PRR16: variants seen among roughly 807,000 people sequenced by gnomAD.
PRR16 encodes the protein proline rich 16, also known as protein Largen.
Under a neutral mutation model 18.2 loss-of-function variants are expected in PRR16, and 6 were observed. That is an observed-to-expected ratio of 0.33 (90% CI 0.18 to 0.65). PRR16 has a LOEUF of 0.65. Ranked by LOEUF, PRR16 falls within the 30% of genes least tolerant of loss-of-function variation. The pLI is 0.74. For missense variants in PRR16, 412 were observed against 376.6 expected (o/e 1.09, Z -0.78); for synonymous variants, 151 against 147.8 (o/e 1.02, Z -0.16).
At chr5:120,784,185 CTT>C in the PRR16 span, among the ~76,000 whole-genome samples, 7 of 152,236 alleles carry the variant, frequency 4.6e-5, no homozygotes, top group African/African-American at 7.2e-5. Context: ...GCAGATATCT[CTT>C]AATATACTGA....
chr5:120,550,332 A>T lies in PRR16; in HGVS notation c.159+85687A>T, dbSNP rs577381690. On this transcript the variant is annotated intron_variant, in intron 1 of 1. Coordinates refer to ENST00000407149, the MANE Select transcript of PRR16 (RefSeq NM_001300783.2). ...AGTAGAATAGAAATTACTTGACTGTAACAAATATGGAAAAGCCCAAAGAAG... is the reference window on the plus strand; with the variant it reads ...AGTAGAATAGAAATTACTTGACTGTTACAAATATGGAAAAGCCCAAAGAAG... Among the ~76,000 whole-genome samples the T allele has an allele frequency of 1.5e-3, 222 of 152,164 alleles. 2 individuals carry two copies. The highest frequency in any genetic ancestry group is 2.3e-3 in the Non-Finnish European group (154 of 67,972).
chr5:120,588,370 G>A (rs528114835), intron 1 of PRR16, among the ~76,000 whole-genome samples: 1 of 152,094 alleles, frequency 6.6e-6, no homozygotes, highest in East Asian at 1.9e-4. Context: ...TTTTGTGAAA[G>A]CAAGAGTCCA....
the PRR16 span, among the ~76,000 whole-genome samples, chr5:120,730,795 C>A: frequency 7.2e-5 from 11 of 152,112 alleles, no homozygotes; most frequent in African/African-American, 2.4e-4. Flanking sequence ...ATGCTTCATG[C>A]ATATGGAAAA....
intron 1 of PRR16, among the ~76,000 whole-genome samples, chr5:120,591,055 A>C (rs1265479603): frequency 6.6e-6 from 1 of 151,948 alleles, no homozygotes; most frequent in Non-Finnish European, 1.5e-5. Context: ...CGAGGTGGGC[A>C]GATCACAAGG....
chr5:120,563,874 A>C (rs1752652826), intron 1 of PRR16, among the ~76,000 whole-genome samples: 1 of 152,214 alleles, frequency 6.6e-6, no homozygotes, highest in Non-Finnish European at 1.5e-5. Context: ...TCAACCCTGA[A>C]GTTGGCATAT....
At chr5:120,780,803 C>T in the PRR16 span, among the ~76,000 whole-genome samples, 3 of 152,118 alleles carry the variant, frequency 2.0e-5, no homozygotes, top group Non-Finnish European at 4.4e-5. Context: ...GTAATCCCGG[C>T]GCTCTGGGAG....
chr5:120,619,444 G>A (rs1018364556), intron 1 of PRR16, among the ~76,000 whole-genome samples: 3 of 152,068 alleles, frequency 2.0e-5, no homozygotes, highest in Non-Finnish European at 4.4e-5. Flanking sequence ...AGAAGTATTT[G>A]TTGCATTGGC....
chr5:120,686,124 G>A lies in PRR16; in HGVS notation c.330G>A (p.Pro110=), dbSNP rs1158194. 1,608,616 of 1,614,080 alleles carry A rather than the reference G, an allele frequency of 1. 801,735 individuals are homozygous for A. The highest frequency in any genetic ancestry group is 1 in the East Asian group (44,840 of 44,840). The change falls in exon 2 of 2, where the codon CCG becomes CCA. Residue 110 remains proline (P), a synonymous_variant. Coordinates refer to ENST00000407149, the MANE Select transcript of PRR16 (RefSeq NM_001300783.2). The stretch of plus-strand genomic sequence containing the variant: ...CGCTTATTAAACCCCCAGCACACCC[G>A]TCTGCTATCCTCACGGTCCTGAGAA... ...NAPLIKPPAH[P]SAILTVLRKP... is the part of the protein sequence containing the mutation.
chr5:120,758,149 A>C, the PRR16 span, among the ~76,000 whole-genome samples: 1 of 152,146 alleles, frequency 6.6e-6, no homozygotes, highest in African/African-American at 2.4e-5. Flanking sequence ...TAGGTCAGTA[A>C]CTTATTTGGA....
chr5:120,489,161 A>G (rs1163299600), intron 1 of PRR16, among the ~76,000 whole-genome samples: 4 of 152,300 alleles, frequency 2.6e-5, no homozygotes, highest in East Asian at 1.9e-4. Flanking sequence ...GTAGATGTCT[A>G]TTAGGTCCAC....
intron 1 of PRR16, among the ~76,000 whole-genome samples, chr5:120,529,615 G>A (rs997263807): frequency 2.6e-5 from 4 of 152,086 alleles, no homozygotes; most frequent in Non-Finnish European, 4.4e-5. Flanking sequence ...AGCTTTCATG[G>A]CTTGAGAAGT....
rs183477482 is a variant in PRR16 at position 120,477,610 on chromosome 5, C to T, written c.159+12965C>T. On this transcript the variant is annotated intron_variant, in intron 1 of 1. Coordinates refer to ENST00000407149, the MANE Select transcript of PRR16 (RefSeq NM_001300783.2). ...CTTTGCTCTCTTAAACCTTTCTCAG[C>T]ATTATCAGTAAGTGTGAAGTTAGAC... 2.0e-5 allele frequency among the ~76,000 whole-genome samples: 3 copies of T among 152,282 alleles called. No homozygotes were observed. The East Asian group carries it at 5.8e-4, about 29-fold the overall frequency.
intron 1 of PRR16, among the ~76,000 whole-genome samples, chr5:120,597,936 G>T (rs961242392): frequency 1.3e-5 from 2 of 151,848 alleles, no homozygotes; most frequent in South Asian, 4.1e-4. Flanking sequence ...TGGGGTGAAT[G>T]GCTGTTGCTA....
the PRR16 span, among the ~76,000 whole-genome samples, chr5:120,772,407 C>T: frequency 6.6e-6 from 1 of 151,856 alleles, no homozygotes; most frequent in African/African-American, 2.4e-5. Flanking sequence ...TACAATAGTA[C>T]CTGACATATA....
At chr5:120,677,128 G>A (rs953982065) in intron 1 of PRR16, among the ~76,000 whole-genome samples, 31 of 152,168 alleles carry the variant, frequency 2.0e-4, no homozygotes, top group African/African-American at 7.0e-4. Flanking sequence ...AGCAGAACAC[G>A]AAGTTGTAGG....
the PRR16 span, among the ~76,000 whole-genome samples, chr5:120,713,814 G>A: frequency 2.6e-5 from 4 of 152,242 alleles, no homozygotes; most frequent in East Asian, 7.7e-4. Context: ...ATTTAAATAT[G>A]TAATAGTACA....
the PRR16 span, among the ~76,000 whole-genome samples, chr5:120,722,785 G>T: frequency 6.6e-6 from 1 of 151,676 alleles, no homozygotes; most frequent in Non-Finnish European, 1.5e-5. Flanking sequence ...TTACTTAATC[G>T]TTCTTTCTCT....
chr5:120,735,675 G>GTTGTTGTTGTTT, the PRR16 span, among the ~76,000 whole-genome samples: 2 of 151,662 alleles, frequency 1.3e-5, no homozygotes. Context: ...TGTTGTTGTT[G>GTTGTTGTTGTTT]TTGTTATTGT....
chr5:120,721,042 T>C, the PRR16 span, among the ~76,000 whole-genome samples: 1 of 152,084 alleles, frequency 6.6e-6, no homozygotes, highest in Non-Finnish European at 1.5e-5. Context: ...CATCATCATA[T>C]GGAAACTTTT....
Sources: allele counts gnomAD v4.1 joint callset (sites outside exome capture counted in the v4.1 genomes callset), GRCh38; gene constraint gnomAD v4.1.1; transcripts MANE v1.5; gene names NCBI Gene and HGNC (gene_info 2026-07-23, HGNC 2026-07-21).